The following CCDC158 variants were observed in gnomAD, a reference collection of about 807,000 sequenced individuals.
The protein encoded by CCDC158 is coiled-coil domain-containing protein 158.
CCDC158 carries 116 observed loss-of-function variants against 138.6 expected under a neutral mutation model. The observed-to-expected ratio is 0.84, with a 90% CI of 0.72 to 0.98. The LOEUF is 0.98. CCDC158 is among the 50% of genes least tolerant of loss of function. The probability of loss-of-function intolerance (pLI) is 0.00; values close to 1 mark genes in which losing one functional copy is unlikely to be tolerated. For synonymous variants in CCDC158, 436 were observed against 442.4 expected (o/e 0.99, Z 0.18); for missense variants, 1,265 against 1,306.1 (o/e 0.97, Z 0.48).
Position 76,395,956 on chromosome 4 carries a change from A to G in CCDC158, c.288+313T>C, listed in dbSNP as rs561684592. ...ATAGCAGGACAGCAGGTCTATGCCAATTATTAACTATAAATGCAGACAAAT... is the reference window on the plus strand; with the variant it reads ...ATAGCAGGACAGCAGGTCTATGCCAGTTATTAACTATAAATGCAGACAAAT... On this transcript the variant is annotated intron_variant, in intron 4 of 24. Coordinates refer to ENST00000682701, the MANE Select transcript of CCDC158 (RefSeq NM_001394954.1). 1.4e-3 allele frequency among the ~76,000 whole-genome samples: 214 copies of G among 152,318 alleles called. 3 individuals are homozygous for G. The highest frequency in any genetic ancestry group is 1.2e-3 in the South Asian group (6 of 4,822).
intron 1 of CCDC158, among the ~76,000 whole-genome samples, 28 bp downstream of exon 1, chr4:76,420,937 C>T (rs1367563915): frequency 1.3e-5 from 2 of 152,296 alleles, no homozygotes; most frequent in Non-Finnish European, 1.5e-5. Context: ...CCACCATCCT[C>T]GTCTCCCGGG....
chr4:76,421,709 C>T (rs1341964141), upstream of CCDC158: 1 of 149,106 alleles, frequency 6.7e-6, no homozygotes, highest in Non-Finnish European at 1.5e-5. Context: ...CCTGGCATTC[C>T]CATTTGACCA....
chr4:76,326,360 A>G (rs1044524044), intron 22 of CCDC158, among the ~76,000 whole-genome samples: 5 of 152,184 alleles, frequency 3.3e-5, no homozygotes, highest in African/African-American at 1.2e-4. Context: ...CATCTGTACA[A>G]CTTTTCATAT....
At chr4:76,317,227 T>A (rs1183493647) in intron 24 of CCDC158, among the ~76,000 whole-genome samples, 3 of 152,108 alleles carry the variant, frequency 2.0e-5, no homozygotes, top group Admixed American at 1.3e-4. Context: ...ATCTGCTGTC[T>A]TCAAGAGACT....
intron 18 of CCDC158, among the ~76,000 whole-genome samples, chr4:76,340,435 T>C (rs997819625): frequency 2.0e-4 from 31 of 152,326 alleles, no homozygotes; most frequent in East Asian, 5.8e-4. Context: ...CTTCTTGAGA[T>C]TGCAAATGAC....
chr4:76,375,269 G>C (rs964063185), intron 9 of CCDC158: 1 of 340,044 alleles, frequency 2.9e-6, no homozygotes, highest in African/African-American at 2.1e-5. Flanking sequence ...TGGATCACTG[G>C]ACAAATGAGT....
At chr4:76,319,040 G>C (rs1719687100) in intron 24 of CCDC158, among the ~76,000 whole-genome samples, 1 of 151,798 alleles carries the variant, frequency 6.6e-6, no homozygotes, top group Non-Finnish European at 1.5e-5. Context: ...TAGGAGGCTG[G>C]GGTGGGCAGA....
rs1349385118 is a variant in CCDC158, at chr4:76,334,134, G to A, written c.2698C>T (p.Pro900Ser). 5.6e-6 allele frequency: 9 copies of A among 1,612,932 alleles called. No individual in the cohort carries two copies. The highest frequency in any genetic ancestry group is 7.6e-6 in the Non-Finnish European group (9 of 1,179,296). ...STKANTLKED[P>S]TRDLKQLLQE... ...AGAAGCTGTTTCAGGTCCCTTGTTGGATCTTCCTTCAGTGTGTTAGCTTTT... is the reference window on the plus strand; with the variant it reads ...AGAAGCTGTTTCAGGTCCCTTGTTGAATCTTCCTTCAGTGTGTTAGCTTTT... The change falls in exon 19 of 25, where the codon CCA becomes TCA. Residue 900 changes from proline (P) to serine (S), a missense_variant. Pro to Ser is a moderately conservative substitution (Grantham distance 74). Transcript: ENST00000682701.
intron 2 of CCDC158, chr4:76,407,226 T>G (rs1728900405): frequency 6.6e-6 from 1 of 152,168 alleles, no homozygotes; most frequent in South Asian, 2.1e-4. Flanking sequence ...ACTCACATTT[T>G]CTTCCTTTTG....
intron 18 of CCDC158, among the ~76,000 whole-genome samples, chr4:76,340,881 T>G (rs540995281): frequency 6.6e-6 from 1 of 152,150 alleles, no homozygotes; most frequent in Non-Finnish European, 1.5e-5. Context: ...ATGAAACTGG[T>G]CACTGGTGCC....
chr4:76,330,836 G>A (rs1720942226), intron 21 of CCDC158, among the ~76,000 whole-genome samples: 1 of 152,090 alleles, frequency 6.6e-6, no homozygotes, highest in Non-Finnish European at 1.5e-5. Context: ...AGGGGTCCTG[G>A]AACAAATCCC....
At chr4:76,388,094 T>C (rs145542769) in intron 4 of CCDC158, among the ~76,000 whole-genome samples, 1 of 152,152 alleles carries the variant, frequency 6.6e-6, no homozygotes, top group East Asian at 1.9e-4. Context: ...GAGAGTATGC[T>C]TTGGGCCTTG....
intron 2 of CCDC158, among the ~76,000 whole-genome samples, chr4:76,406,761 A>C (rs1489343870): frequency 6.6e-6 from 1 of 152,170 alleles, no homozygotes; most frequent in African/African-American, 2.4e-5. Flanking sequence ...ACAAGCTGAA[A>C]TTAAATAATT....
At chr4:76,366,547 A>G (rs1233819226) in intron 12 of CCDC158, among the ~76,000 whole-genome samples, 1 of 152,056 alleles carries the variant, frequency 6.6e-6, no homozygotes, top group African/African-American at 2.4e-5. Context: ...ATGGGGCAGG[A>G]GGTACAAAGG....
chr4:76,416,165 A>G (rs7667980), intron 1 of CCDC158, among the ~76,000 whole-genome samples: 129,881 of 152,042 alleles, frequency 0.85, 55,814 homozygotes, highest in South Asian at 0.97. Context: ...TCTCTGCCTC[A>G]GCTGCCAGGC....
rs776345317 is a variant in CCDC158, at chr4:76,351,062, T to C, written c.2598A>G (p.Pro866=). The change falls in exon 18 of 25, where the codon CCA becomes CCG. Residue 866 remains proline (P), a synonymous_variant. Transcript: ENST00000682701. ...TAGAATGAGAACGAGTAACAGATGCTGGCTGGAGAAGGCGTGGTTTCAATG... is the reference window on the plus strand; with the variant it reads ...TAGAATGAGAACGAGTAACAGATGCCGGCTGGAGAAGGCGTGGTTTCAATG... ...NSSLKPRLLQ[P]ASVTRSHSNV... 2 of 1,613,858 alleles carry C rather than the reference T, an allele frequency of 1.2e-6. No individual in the cohort carries two copies. The highest frequency in any genetic ancestry group is 1.7e-6 in the Non-Finnish European group (2 of 1,179,900).
chr4:76,382,974 A>G lies in CCDC158; in HGVS notation c.804-254T>C, dbSNP rs1194477015. On this transcript the variant is annotated intron_variant, in intron 7 of 24. Coordinates refer to ENST00000682701, the MANE Select transcript of CCDC158 (RefSeq NM_001394954.1). ...TAATAAATTGCAAGTAGTAAATATT[A>G]TATGACACCCCCAATGAGATCTAGG... 4.6e-5 allele frequency among the ~76,000 whole-genome samples: 7 copies of G among 152,236 alleles called. No individual in the cohort carries two copies. The East Asian group carries it at 1.3e-3, about 29-fold the overall frequency.
At chr4:76,420,646 G>T (rs894421423) in intron 1 of CCDC158, among the ~76,000 whole-genome samples, 3 of 152,156 alleles carry the variant, frequency 2.0e-5, no homozygotes, top group Non-Finnish European at 4.4e-5. Flanking sequence ...TCGCGGCAGC[G>T]CGGTAGACAC....
chr4:76,337,777 A>G (rs982807884), intron 18 of CCDC158, among the ~76,000 whole-genome samples: 14 of 152,158 alleles, frequency 9.2e-5, no homozygotes, highest in Non-Finnish European at 2.9e-5. Flanking sequence ...TGGTTCTAAA[A>G]TATAGTTTCA....
Sources: allele counts gnomAD v4.1 joint callset (sites outside exome capture counted in the v4.1 genomes callset), GRCh38; gene constraint gnomAD v4.1.1; transcripts MANE v1.5; gene names NCBI Gene and HGNC (gene_info 2026-07-23, HGNC 2026-07-21).